LRRC43: variants seen among roughly 807,000 people sequenced by gnomAD.
LRRC43 encodes leucine-rich repeat-containing protein 43.
A neutral mutation model predicts 64.3 loss-of-function variants in LRRC43; 62 were observed. The ratio of observed to expected loss-of-function variants is 0.96; its 90% CI spans 0.79 to 1.19. The LOEUF (loss-of-function observed/expected upper bound fraction) is 1.19, where lower values mean the gene tolerates loss of function less well. LRRC43 is among the 50% of genes most tolerant of loss of function. The pLI, the probability that LRRC43 is intolerant of heterozygous loss-of-function variation, is 0.00. For missense variants in LRRC43, 868 were observed against 845.0 expected, an observed-to-expected ratio of 1.03 and a Z score of -0.34; for synonymous variants, 422 against 382.3, an observed-to-expected ratio of 1.10 and a Z score of -1.21.
chr12:122,199,876 G>A (rs750723578), intron 7 of LRRC43, among the ~76,000 whole-genome samples: 14 of 152,190 alleles, frequency 9.2e-5, no homozygotes, highest in Admixed American at 2.6e-4. Context: ...GAGCCACCAC[G>A]CTCAGCCCTT....
chr12:122,181,538 G>A (rs1310526657), upstream of LRRC43, among the ~76,000 whole-genome samples: 1 of 142,178 alleles, frequency 7.0e-6, no homozygotes, highest in Admixed American at 7.1e-5. Context: ...GGGAGACTCC[G>A]TCTCAAAAAA....
intron 11 of LRRC43, 67 bp from the exon 12 acceptor site, chr12:122,203,248 T>C: frequency 6.3e-7 from 1 of 1,576,590 alleles, no homozygotes; most frequent in African/African-American, 1.3e-5. Context: ...ATGGGATGGG[T>C]CAGGGCGGCC....
At position 122,183,190 on chromosome 12, in the gene LRRC43, G is replaced by C. The variant is rs758138418; in HGVS notation, c.46G>C (p.Gly16Arg). The change falls in exon 1 of 12, where the codon GGG (glycine) becomes CGG (arginine). Residue 16 changes from glycine (G) to arginine (R), a missense_variant. Gly to Arg is a moderately radical substitution (Grantham distance 125, BLOSUM62 -2). Transcript: ENST00000339777. ...ESESESESEA[G>R]PGTQRPGTGT... is the part of the protein sequence containing the mutation. ...CGAGTCCGAGTCCGAGTCTGAGGCC[G>C]GGCCTGGGACTCAGCGGCCCGGGAC... 4 of 1,561,600 alleles carry C rather than the reference G, an allele frequency of 2.6e-6. No homozygotes were observed. The highest frequency in any genetic ancestry group is 1.8e-5 in the Admixed American group (1 of 55,156).
chr12:122,193,122 T>C, intron 7 of LRRC43, 118 bp downstream of exon 7: 1 of 1,068,940 alleles, frequency 9.4e-7, no homozygotes, highest in Non-Finnish European at 1.3e-6. Context: ...GGCTCACGTC[T>C]GTAATCCCGG....
upstream of LRRC43, among the ~76,000 whole-genome samples, chr12:122,181,093 C>T (rs1026662654): frequency 4.6e-5 from 7 of 151,910 alleles, no homozygotes; most frequent in Non-Finnish European, 1.0e-4. Context: ...TGATGCATGC[C>T]TGTAGTCCCA....
chr12:122,168,305 G>A (rs1182089986), intron 1 of LRRC43, among the ~76,000 whole-genome samples: 1 of 151,658 alleles, frequency 6.6e-6, no homozygotes, highest in Middle Eastern at 3.2e-3. Context: ...GCTGGGCGTG[G>A]TGGTGCATGC....
At chr12:122,179,841 C>T (rs1329510758), upstream of LRRC43, among the ~76,000 whole-genome samples, 3 of 151,516 alleles carry the variant, frequency 2.0e-5, no homozygotes, top group South Asian at 2.1e-4. Context: ...TGTGGTGGCG[C>T]GTGTCTGTAG....
intron 1 of LRRC43, among the ~76,000 whole-genome samples, chr12:122,171,118 C>G (rs1953481770): frequency 6.6e-6 from 1 of 152,180 alleles, no homozygotes; most frequent in Non-Finnish European, 1.5e-5. Flanking sequence ...CCCTGAAAAC[C>G]CAGTGGGGAG....
chr12:122,199,456 G>C (rs936467039), intron 7 of LRRC43, among the ~76,000 whole-genome samples: 2 of 150,712 alleles, frequency 1.3e-5, no homozygotes. Context: ...CTAATTTTTT[G>C]TATTTTTAGT....
At chr12:122,196,154 A>G (rs1953770963) in intron 7 of LRRC43, among the ~76,000 whole-genome samples, 1 of 152,160 alleles carries the variant, frequency 6.6e-6, no homozygotes, top group African/African-American at 2.4e-5. Flanking sequence ...TAATGTTAAT[A>G]TTGTGTCAAG....
chr12:122,177,782 G>A (rs1025462357), intron 1 of LRRC43, among the ~76,000 whole-genome samples: 4 of 151,898 alleles, frequency 2.6e-5, no homozygotes, highest in African/African-American at 4.8e-5. Context: ...GATCACAGGC[G>A]TGAGCCACTG....
Position 122,186,495 on chromosome 12 carries a change from A to G in LRRC43, c.522+195A>G, listed in dbSNP as rs144083074. Among the ~76,000 whole-genome samples the G allele has an allele frequency of 5.5e-3, 845 of 152,340 alleles. 8 individuals carry two copies. Among genetic ancestry groups the G allele is most frequent in the African/African-American group, 0.019 (785 of 41,572 alleles). ...ACCCAGTGCTTCCATTCCTAGGTGT[A>G]TCCATGAAGGAACTGAAGACAGGGA... On this transcript the variant is annotated intron_variant, in intron 3 of 11. Coordinates refer to ENST00000339777, the MANE Select transcript of LRRC43 (RefSeq NM_001098519.2).
chr12:122,203,425 C>T lies in LRRC43; in HGVS notation c.1954C>T (p.Arg652Cys), dbSNP rs763368395. The change falls in exon 12 of 12, where the codon CGC becomes TGC. Residue 652 changes from arginine to cysteine, a missense_variant. Physicochemically the swap from Arg to Cys is radical, Grantham distance 180. Transcript: ENST00000339777. ...GTGCCGCTCGGCGGAGGAGGCTCTGCGCATGTTCGCCGTGTAGGGCGTGGG... is the reference window on the plus strand; with the variant it reads ...GTGCCGCTCGGCGGAGGAGGCTCTGTGCATGTTCGCCGTGTAGGGCGTGGG... Reference protein sequence around the residue: ...NQCRSAEEALRMFAV With the variant: ...NQCRSAEEALCMFAV The T allele has an allele frequency of 6.2e-7, 1 of 1,611,230 alleles. No individual in the cohort carries two copies. Among genetic ancestry groups the T allele is most frequent in the Non-Finnish European group, 8.5e-7 (1 of 1,179,542 alleles).
chr12:122,191,586 C>A lies in LRRC43; in HGVS notation c.1089+19C>A. 1.2e-6 allele frequency: 2 copies of A among 1,605,516 alleles called. No homozygotes were observed. Among genetic ancestry groups the A allele is most frequent in the Non-Finnish European group, 1.7e-6 (2 of 1,174,854 alleles). ...GGCCGAGGTGTGCCCTGGTCTGTCC[C>A]TAGGAGTATGGGGGGCTCTTGTGAA... On this transcript the variant is annotated intron_variant, in intron 6 of 11. Coordinates refer to ENST00000339777, the MANE Select transcript of LRRC43 (RefSeq NM_001098519.2).
Position 122,200,846 on chromosome 12 carries a change from C to T in LRRC43, c.1721C>T (p.Pro574Leu), listed in dbSNP as rs187365953. 2.5e-6 allele frequency: 4 copies of T among 1,613,150 alleles called. No individual in the cohort carries two copies. Among genetic ancestry groups the T allele is most frequent in the Non-Finnish European group, 3.4e-6 (4 of 1,179,934 alleles). Residue 574 changes from proline to leucine, a missense_variant, in exon 10 of 12, where the codon CCC (proline) becomes CTC (leucine). Coordinates refer to ENST00000339777, the MANE Select transcript of LRRC43 (RefSeq NM_001098519.2). This position sits in a 1 kb window ranked among gnomAD's most constrained non-coding sequence, Gnocchi z 4.6. ...VLGRGLVILE[P>L]LLAGEPLVST... Reference sequence around the variant, plus strand: ...GGCCGGGGCCTGGTGATCCTGGAGCCCCTGCTCGCCGGGGAGCCCCTGGTG... The same window carrying T: ...GGCCGGGGCCTGGTGATCCTGGAGCTCCTGCTCGCCGGGGAGCCCCTGGTG...
chr12:122,194,030 C>G (rs932712838), intron 7 of LRRC43, among the ~76,000 whole-genome samples: 2 of 152,130 alleles, frequency 1.3e-5, no homozygotes, highest in Non-Finnish European at 2.9e-5. Flanking sequence ...TCTTGCCAGT[C>G]TAGCTCCATT....
intron 1 of LRRC43, among the ~76,000 whole-genome samples, chr12:122,176,424 T>C (rs1314511286): frequency 6.6e-6 from 1 of 152,172 alleles, no homozygotes; most frequent in Admixed American, 6.5e-5. Flanking sequence ...ACAAAGAGCC[T>C]GGGTTTTATT....
intron 2 of LRRC43, among the ~76,000 whole-genome samples, chr12:122,185,202 G>A (rs1953629847): frequency 6.6e-6 from 1 of 152,176 alleles, no homozygotes; most frequent in South Asian, 2.1e-4. Flanking sequence ...TCGGCATGGT[G>A]GCTCTCTGGT....
chr12:122,179,168 C>G (rs926537470), upstream of LRRC43, among the ~76,000 whole-genome samples: 4 of 152,154 alleles, frequency 2.6e-5, no homozygotes, highest in Admixed American at 2.0e-4. Flanking sequence ...GATCACAGCT[C>G]ACTGCAGCCT....
Sources: allele counts gnomAD v4.1 joint callset (sites outside exome capture counted in the v4.1 genomes callset), GRCh38; gene constraint gnomAD v4.1.1; non-coding constraint Gnocchi (gnomAD v3.1); transcripts MANE v1.5; gene names NCBI Gene and HGNC (gene_info 2026-07-23, HGNC 2026-07-21).